Variants in OTOF observed in about 807,000 individuals in gnomAD.
The protein encoded by OTOF is otoferlin.
Under a neutral mutation model 236.8 loss-of-function variants are expected in OTOF, and 218 were observed. The observed-to-expected ratio is 0.92, with a 90% CI of 0.82 to 1.03. The LOEUF is 1.03. OTOF is among the 50% of genes least tolerant of loss of function. The pLI, the probability that OTOF is intolerant of heterozygous loss-of-function variation, is 0.00. For missense variants in OTOF, 2,590 were observed against 2,694.4 expected, an observed-to-expected ratio of 0.96 and a Z score of 0.86; for synonymous variants, 1,041 against 1,072.5, an observed-to-expected ratio of 0.97 and a Z score of 0.57.
intron 4 of OTOF, among the ~76,000 whole-genome samples, chr2:26,517,227 G>A (rs909545094): frequency 1.2e-4 from 18 of 148,702 alleles, no homozygotes; most frequent in Admixed American, 2.7e-4. Flanking sequence ...CCTGCTCTGC[G>A]TCCTGGAGCC....
intron 4 of OTOF, among the ~76,000 whole-genome samples, chr2:26,517,845 G>A (rs1413449843): frequency 6.6e-6 from 1 of 152,122 alleles, no homozygotes; most frequent in Non-Finnish European, 1.5e-5. Context: ...AAAATCCAGG[G>A]CATGGGCTGT....
intron 1 of OTOF, among the ~76,000 whole-genome samples, chr2:26,551,505 A>C (rs985658055): frequency 6.6e-6 from 1 of 152,068 alleles, no homozygotes; most frequent in Admixed American, 6.5e-5. Context: ...GCTTCCCCCC[A>C]TCCTGGGCTA....
chr2:26,486,663 G>A (rs1183051398), intron 11 of OTOF, among the ~76,000 whole-genome samples: 1 of 152,186 alleles, frequency 6.6e-6, no homozygotes, highest in Non-Finnish European at 1.5e-5. Context: ...AGAAAGTGAA[G>A]ATATCTAAAA....
At chr2:26,530,140 G>GACCAA (rs1033785038) in intron 2 of OTOF, among the ~76,000 whole-genome samples, 6 of 152,064 alleles carry the variant, frequency 3.9e-5, no homozygotes, top group Non-Finnish European at 8.8e-5. Context: ...CCCCCTGAGG[G>GACCAA]TCTGTGGGTG....
At chr2:26,558,448 C>T (rs1321717016) in intron 1 of OTOF, 45 bp downstream of exon 1, 3 of 1,553,284 alleles carry the variant, frequency 1.9e-6, no homozygotes, top group South Asian at 2.2e-5. Flanking sequence ...ATGGGCTGGT[C>T]CAGCTCTCAG....
intron 33 of OTOF, 110 bp from the exon 34 acceptor site, chr2:26,467,611 TC>T: frequency 1.5e-6 from 2 of 1,310,462 alleles, no homozygotes; most frequent in Non-Finnish European, 2.1e-6. Context: ...CTCTCGGATG[TC>T]CATGTGCTGT....
intron 2 of OTOF, among the ~76,000 whole-genome samples, chr2:26,532,248 A>G (rs964473824): frequency 3.9e-5 from 6 of 152,128 alleles, no homozygotes; most frequent in Non-Finnish European, 8.8e-5. Flanking sequence ...GGGAAAGTGG[A>G]GAGGCGAGAG....
intron 46 of OTOF, among the ~76,000 whole-genome samples, 192 bp downstream of exon 46, chr2:26,459,816 T>C (rs1406433844): frequency 6.6e-6 from 1 of 152,212 alleles, no homozygotes; most frequent in Non-Finnish European, 1.5e-5. Context: ...TGTGTGGGCT[T>C]AAGTGTGTGC....
In OTOF at chr2:26,537,756, C is replaced by A; in HGVS notation, c.98G>T (p.Arg33Leu). ...CACATCCTCACAGTTCTCCAGGACC[C>A]GAGAGTAGAAGGATTGCCCTGTGGG... is the stretch of plus-strand genomic sequence containing the variant. ...VTFRGQSFYS[R>L]VLENCEDVAD... Residue 33 changes from arginine (R) to leucine (L), a missense_variant, in exon 2 of 47, where the codon CGG (arginine) becomes CTG (leucine). This residue lies in a region of OTOF where 1,379 missense variants were observed against 1,341.6 expected (regional missense o/e 1.03). Transcript: ENST00000272371. 2 of 1,554,622 alleles carry A rather than the reference C, an allele frequency of 1.3e-6. No homozygotes were observed. The highest frequency in any genetic ancestry group is 1.7e-6 in the Non-Finnish European group (2 of 1,148,266).
At chr2:26,489,385 G>C (rs1665781569) in intron 10 of OTOF, 90 bp from the exon 11 acceptor site, 2 of 1,001,814 alleles carry the variant, frequency 2.0e-6, no homozygotes, top group Non-Finnish European at 3.1e-6. Context: ...TTGTGGTGAA[G>C]TGGGAGGGCG....
intron 30 of OTOF, 58 bp from the exon 31 acceptor site, chr2:26,471,208 GC>G: frequency 6.3e-7 from 1 of 1,585,588 alleles, no homozygotes; most frequent in South Asian, 1.1e-5. Context: ...GGAGTGGCAG[GC>G]AGTGGCCTAG....
intron 1 of OTOF, among the ~76,000 whole-genome samples, chr2:26,544,764 G>A (rs937843198): frequency 5.9e-5 from 9 of 152,268 alleles, no homozygotes; most frequent in East Asian, 1.9e-4. Context: ...CTGGCCGGGC[G>A]CAATGGCTCA....
At position 26,477,786 on chromosome 2, in the gene OTOF, C is replaced by G; in HGVS notation, c.2215-37G>C. ...GAGTGTGGGTGATGCTGGGCCACAG[C>G]CCCGCCTCCCCAGCCTCCCCAAATG... is the stretch of plus-strand genomic sequence containing the variant. On this transcript the variant is annotated intron_variant, in intron 18 of 46. Transcript: ENST00000272371. This position sits in a 1 kb window ranked among gnomAD's most constrained non-coding sequence, Gnocchi z 4.7. 2 of 1,609,466 alleles carry G rather than the reference C, an allele frequency of 1.2e-6. No homozygotes were observed. The highest frequency in any genetic ancestry group is 1.7e-6 in the Non-Finnish European group (2 of 1,178,488).
chr2:26,476,413 G>T, intron 22 of OTOF, 96 bp from the exon 23 acceptor site: 1 of 1,194,598 alleles, frequency 8.4e-7, no homozygotes, highest in South Asian at 1.3e-5. Flanking sequence ...GGTCAGAGCT[G>T]CCCTGCCCCT....
chr2:26,550,469 G>A (rs922453737), intron 1 of OTOF, among the ~76,000 whole-genome samples: 2 of 152,200 alleles, frequency 1.3e-5, no homozygotes, highest in Non-Finnish European at 2.9e-5. Flanking sequence ...TGCTGCTGCT[G>A]GGAAAGCAGC....
chr2:26,554,635 G>A (rs947267675), intron 1 of OTOF, among the ~76,000 whole-genome samples: 11 of 152,130 alleles, frequency 7.2e-5, no homozygotes, highest in Non-Finnish European at 1.5e-4. Context: ...ATTAATGGGC[G>A]TTCTCAAGGT....
intron 11 of OTOF, among the ~76,000 whole-genome samples, chr2:26,488,619 C>T (rs778682152): frequency 6.6e-6 from 1 of 152,268 alleles, no homozygotes; most frequent in Non-Finnish European, 1.5e-5. Flanking sequence ...CTACATCTGG[C>T]ATTGACCAGC....
At position 26,470,504 on chromosome 2, in the gene OTOF, C is replaced by G; in HGVS notation, c.4023+89G>C. 1 of 1,315,084 alleles carries G rather than the reference C, an allele frequency of 7.6e-7. No homozygotes were observed. 81.5% of individuals were successfully genotyped at this position (1,315,084 alleles called of 1,614,324 possible). A position where few individuals can be genotyped will look rare whatever the true frequency, so the allele number is the denominator to read the frequency against. On this transcript the variant is annotated intron_variant, in intron 32 of 46. Coordinates refer to ENST00000272371, the MANE Select transcript of OTOF (RefSeq NM_194248.3). The surrounding 1 kb of genome is among the most constrained non-coding windows in gnomAD (Gnocchi z 4.3). ...AAACTCACATGAATGGAGTTGGGAT[C>G]CAGCTCTTGGGGGCCGTGGGAAAGA...
intron 1 of OTOF, among the ~76,000 whole-genome samples, chr2:26,542,215 G>A (rs1215287201): frequency 1.3e-5 from 2 of 152,194 alleles, no homozygotes; most frequent in African/African-American, 2.4e-5. Context: ...TACCCTGCTA[G>A]GGCCACACCT....
Sources: gnomAD v4.1 joint callset for allele counts (sites outside exome capture counted in the v4.1 genomes callset) on GRCh38, gnomAD v4.1.1 for gene constraint, gnomAD v4.1.1 regional missense constraint, Gnocchi (gnomAD v3.1) non-coding constraint, MANE v1.5 for transcripts, NCBI Gene and HGNC (gene_info 2026-07-23, HGNC 2026-07-21) for gene names.